PCDHGB1: variants seen among roughly 807,000 people sequenced by gnomAD.
PCDHGB1 encodes protocadherin gamma subfamily B, 1.
Under a neutral mutation model 56.6 loss-of-function variants are expected in PCDHGB1, and 34 were observed. The observed-to-expected ratio is 0.60, with a 90% CI of 0.46 to 0.80. PCDHGB1 has a LOEUF of 0.80. Among genes scored for constraint, PCDHGB1 ranks in the 30% least tolerant of loss-of-function variants. The probability of loss-of-function intolerance (pLI) is 0.00; values close to 1 mark genes in which losing one functional copy is unlikely to be tolerated. For missense variants in PCDHGB1, 1,278 were observed against 1,204.6 expected, an observed-to-expected ratio of 1.06 and a Z score of -0.90; for synonymous variants, 561 against 505.9, an observed-to-expected ratio of 1.11 and a Z score of -1.46.
intron 1 of PCDHGB1, among the ~76,000 whole-genome samples, chr5:141,459,619 A>G (rs995987344): frequency 6.6e-6 from 1 of 152,238 alleles, no homozygotes; most frequent in Non-Finnish European, 1.5e-5. Context: ...TTAACTTTAT[A>G]AGAAGCTGCC....
At chr5:141,364,954 C>T (rs765455076) in intron 1 of PCDHGB1, 17 of 1,613,940 alleles carry the variant, frequency 1.1e-5, no homozygotes, top group Admixed American at 1.0e-4. Flanking sequence ...AGACTGTTCA[C>T]GACCTCCTCC....
At chr5:141,500,866 A>C (rs576713520) in intron 2 of PCDHGB1, among the ~76,000 whole-genome samples, 1 of 146,112 alleles carries the variant, frequency 6.8e-6, no homozygotes, top group Non-Finnish European at 1.5e-5. Context: ...AAACATACAC[A>C]TTCATTTACA....
At chr5:141,497,741 G>A (rs767561907) in intron 2 of PCDHGB1, among the ~76,000 whole-genome samples, 24 of 152,050 alleles carry the variant, frequency 1.6e-4, no homozygotes, top group Non-Finnish European at 2.6e-4. Context: ...GTTTCGCCAC[G>A]TTGGCCAGGC....
intron 1 of PCDHGB1, among the ~76,000 whole-genome samples, chr5:141,445,740 A>T (rs993128906): frequency 2.6e-5 from 4 of 152,226 alleles, no homozygotes; most frequent in Admixed American, 1.3e-4. Flanking sequence ...AGATCTTTTT[A>T]AAAAATAAAA....
intron 1 of PCDHGB1, among the ~76,000 whole-genome samples, chr5:141,373,413 C>T (rs1769555622): frequency 6.6e-6 from 1 of 152,186 alleles, no homozygotes; most frequent in African/African-American, 2.4e-5. Flanking sequence ...GTCCCAGCTA[C>T]TCGGGAGGCT....
chr5:141,416,130 C>T (rs907950687), intron 1 of PCDHGB1: 1 of 154,098 alleles, frequency 6.5e-6, no homozygotes, highest in African/African-American at 2.4e-5. Context: ...ATATATTTTT[C>T]AATCTATACT....
Position 141,491,094 on chromosome 5 carries a change from G to C in PCDHGB1, c.2410-3713G>C, listed in dbSNP as rs1240705650. The C allele has an allele frequency of 1.9e-6, 3 of 1,614,202 alleles. No homozygotes were observed. Among genetic ancestry groups the C allele is most frequent in the Non-Finnish European group, 2.5e-6 (3 of 1,180,030 alleles). On this transcript the variant is annotated intron_variant, in intron 1 of 3. Coordinates refer to ENST00000523390, the MANE Select transcript of PCDHGB1 (RefSeq NM_018922.3). The surrounding 1 kb of genome is among the most constrained non-coding windows in gnomAD (Gnocchi z 6.9). The stretch of plus-strand genomic sequence containing the variant: ...TGCCACAGTCCACAGCCCCAGGACT[G>C]TTCCTCGTGTCTACACACACTGGTG...
chr5:141,433,358 C>T (rs974347696), intron 1 of PCDHGB1: 20 of 503,934 alleles, frequency 4.0e-5, no homozygotes, highest in African/African-American at 3.1e-4. Flanking sequence ...CTACTGTCTG[C>T]CTATCTATCT....
Position 141,419,025 on chromosome 5 carries a change from G to T in PCDHGB1, c.2409+66356G>T, listed in dbSNP as rs2096315076. 6.2e-6 allele frequency: 10 copies of T among 1,613,736 alleles called. No homozygotes were observed. In the East Asian group the frequency reaches 2.0e-4, roughly 32 times the overall value. On this transcript the variant is annotated intron_variant, in intron 1 of 3. Transcript: ENST00000523390. ...GAAGTCAGGTGTAGCTTAAGTAGAG[G>T]TGTTCCATTTAAGATTCATTCTTCT...
intron 1 of PCDHGB1, 162 bp from the exon 2 acceptor site, chr5:141,494,645 G>A: frequency 1.1e-6 from 1 of 935,948 alleles, no homozygotes. Flanking sequence ...GAGACCTGAG[G>A]TGTATTTTGT....
chr5:141,420,337 A>G, intron 1 of PCDHGB1: 8 of 1,402,708 alleles, frequency 5.7e-6, no homozygotes, highest in Non-Finnish European at 7.6e-6. Flanking sequence ...ATTCCAATAT[A>G]GTGGTATTAT....
At chr5:141,371,053 C>T (rs749864646) in intron 1 of PCDHGB1, 2 of 1,613,924 alleles carry the variant, frequency 1.2e-6, no homozygotes, top group Non-Finnish European at 1.7e-6. Flanking sequence ...GGGGGCGAGC[C>T]CTCCAGAAGC....
chr5:141,352,989 AAAAC>A (rs950182337), intron 1 of PCDHGB1, among the ~76,000 whole-genome samples: 9 of 152,344 alleles, frequency 5.9e-5, no homozygotes, highest in South Asian at 2.1e-4. Flanking sequence ...ACTGTCTAAA[AAAAC>A]AAACAAACAA....
At chr5:141,427,599 C>T (rs1233253295) in intron 1 of PCDHGB1, 3 of 682,980 alleles carry the variant, frequency 4.4e-6, no homozygotes, top group South Asian at 3.0e-5. Flanking sequence ...CCTCACCCTA[C>T]GCATTGGTGA....
intron 2 of PCDHGB1, among the ~76,000 whole-genome samples, chr5:141,498,848 G>T (rs930895553): frequency 6.6e-6 from 1 of 151,908 alleles, no homozygotes; most frequent in African/African-American, 2.4e-5. Context: ...CAGGGGAATC[G>T]CTTGAACCCA....
intron 1 of PCDHGB1, chr5:141,366,678 A>G (rs1764735373): frequency 1.9e-6 from 3 of 1,614,146 alleles, no homozygotes; most frequent in East Asian, 2.2e-5. Context: ...CTTAGTGAAG[A>G]GAGCTGTGAG....
chr5:141,449,066 A>G (rs1234801725), intron 1 of PCDHGB1, among the ~76,000 whole-genome samples: 3 of 152,188 alleles, frequency 2.0e-5, no homozygotes, highest in African/African-American at 4.8e-5. Context: ...GCGCTATTGA[A>G]TAGCCCTGTA....
At position 141,399,778 on chromosome 5, in the gene PCDHGB1, C is replaced by T. The variant is rs187080333; in HGVS notation, c.2409+47109C>T. 2.5e-6 allele frequency: 4 copies of T among 1,613,250 alleles called. No individual in the cohort carries two copies. The South Asian group carries it at 3.3e-5, about 13-fold the overall frequency. On this transcript the variant is annotated intron_variant, in intron 1 of 3. Transcript: ENST00000523390. ...GAGCCTGCGCGTGTTGGTGGGCGAC[C>T]GAAACGACAACGCACCGCGGGTGCT...
intron 1 of PCDHGB1, chr5:141,420,084 A>G (rs1454284559): frequency 2.5e-6 from 4 of 1,613,890 alleles, no homozygotes; most frequent in African/African-American, 1.3e-5. Context: ...GGTCCCCCCA[A>G]CTACAGTGAG....
Sources: gnomAD v4.1 joint callset for allele counts (sites outside exome capture counted in the v4.1 genomes callset) on GRCh38, gnomAD v4.1.1 for gene constraint, Gnocchi (gnomAD v3.1) non-coding constraint, MANE v1.5 for transcripts, NCBI Gene and HGNC (gene_info 2026-07-23, HGNC 2026-07-21) for gene names.